The following ESYT3 variants were observed in gnomAD, a reference collection of about 807,000 sequenced individuals.
The protein encoded by ESYT3 is extended synaptotagmin-3.
A neutral mutation model predicts 111.5 loss-of-function variants in ESYT3; 101 were observed. The observed-to-expected ratio is 0.91, with a 90% confidence interval of 0.77 to 1.07. The LOEUF (loss-of-function observed/expected upper bound fraction) is 1.07, where lower values mean the gene tolerates loss of function less well. Ranked by LOEUF, ESYT3 falls within the 50% of genes least tolerant of loss-of-function variation. The pLI, the probability that ESYT3 is intolerant of heterozygous loss-of-function variation, is 0.00. For missense variants in ESYT3, 1,097 were observed against 1,109.4 expected, an observed-to-expected ratio of 0.99 and a Z score of 0.16; for synonymous variants, 416 against 446.8, an observed-to-expected ratio of 0.93 and a Z score of 0.87.
At chr3:138,442,379 G>T (rs1031280175) in intron 1 of ESYT3, among the ~76,000 whole-genome samples, 68 of 152,222 alleles carry the variant, frequency 4.5e-4, no homozygotes, top group African/African-American at 1.5e-3. Flanking sequence ...TCCTTCATAT[G>T]AATATACCAC....
chr3:138,448,486 T>C (rs2031708638), intron 1 of ESYT3, among the ~76,000 whole-genome samples: 1 of 151,706 alleles, frequency 6.6e-6, no homozygotes, highest in Non-Finnish European at 1.5e-5. Context: ...TTTTTTTTTA[T>C]GTGTTGGTTG....
At chr3:138,455,103 C>A (rs2032190855) in intron 2 of ESYT3, 91 bp from the exon 3 acceptor site, 1 of 1,492,014 alleles carries the variant, frequency 6.7e-7, no homozygotes, top group Non-Finnish European at 9.2e-7. Context: ...CAAGACCAGG[C>A]TGCAGAGAAT....
chr3:138,445,559 G>A (rs1002173313), intron 1 of ESYT3, among the ~76,000 whole-genome samples: 3 of 152,190 alleles, frequency 2.0e-5, no homozygotes, highest in Non-Finnish European at 2.9e-5. Flanking sequence ...CTCTGTTCTC[G>A]CCTTGCAGTG....
chr3:138,468,337 C>A, intron 12 of ESYT3, 143 bp downstream of exon 12: 2 of 745,642 alleles, frequency 2.7e-6, no homozygotes, highest in Non-Finnish European at 4.6e-6. Context: ...CGTCTCCACA[C>A]AGGGCAGCTC....
intron 4 of ESYT3, among the ~76,000 whole-genome samples, chr3:138,458,773 G>A (rs1259175522): frequency 6.6e-6 from 1 of 152,180 alleles, no homozygotes; most frequent in African/African-American, 2.4e-5. Context: ...CTGCTTCTGT[G>A]TCCCCATGAA....
intron 1 of ESYT3, among the ~76,000 whole-genome samples, chr3:138,444,119 G>A (rs561863320): frequency 6.6e-6 from 1 of 152,272 alleles, no homozygotes; most frequent in South Asian, 2.1e-4. Flanking sequence ...ACTTGAATTT[G>A]CTTTACCTCT....
chr3:138,452,364 A>G (rs899421288), intron 2 of ESYT3, among the ~76,000 whole-genome samples: 4 of 152,240 alleles, frequency 2.6e-5, no homozygotes, highest in Non-Finnish European at 4.4e-5. Context: ...CAGGAGCTGT[A>G]CTTTCCTAGG....
At chr3:138,468,484 C>A (rs2033046844) in intron 12 of ESYT3, among the ~76,000 whole-genome samples, 171 bp from the exon 13 acceptor site, 2 of 152,106 alleles carry the variant, frequency 1.3e-5, no homozygotes, top group Non-Finnish European at 2.9e-5. Context: ...CTGTCATGCA[C>A]CAGTTATAGT....
In ESYT3 at chr3:138,465,501, C is replaced by G; in HGVS notation, c.1169+80C>G. ...TGCTGGGCTAGATACCCTGCTCCTA[C>G]CACTTAATGACTAGCAACCCGCTGT... On this transcript the variant is annotated intron_variant, in intron 10 of 22. Coordinates refer to ENST00000389567, the MANE Select transcript of ESYT3 (RefSeq NM_031913.5). 2.6e-6 allele frequency: 3 copies of G among 1,139,766 alleles called. No individual in the cohort carries two copies. The South Asian group carries it at 4.2e-5, about 16-fold the overall frequency. 70.6% of individuals were successfully genotyped at this position (1,139,766 alleles called of 1,614,324 possible).
At chr3:138,444,554 C>G (rs1428855794) in intron 1 of ESYT3, among the ~76,000 whole-genome samples, 3 of 152,234 alleles carry the variant, frequency 2.0e-5, no homozygotes, top group South Asian at 4.2e-4. Flanking sequence ...AATTAACAGC[C>G]CCACTTATTA....
intron 1 of ESYT3, among the ~76,000 whole-genome samples, chr3:138,450,932 C>T (rs537786561): frequency 6.6e-6 from 1 of 152,206 alleles, no homozygotes; most frequent in African/African-American, 2.4e-5. Flanking sequence ...AAGCCAGCCT[C>T]ATGTTCAGGG....
At chr3:138,473,877 A>G (rs2033361125) in intron 19 of ESYT3, among the ~76,000 whole-genome samples, 1 of 152,242 alleles carries the variant, frequency 6.6e-6, no homozygotes, top group African/African-American at 2.4e-5. Flanking sequence ...CAACCACTGC[A>G]AGACTGTCTG....
intron 5 of ESYT3, 82 bp downstream of exon 5, chr3:138,459,335 T>C (rs1195996842): frequency 1.7e-6 from 2 of 1,193,120 alleles, no homozygotes; most frequent in East Asian, 5.1e-5. Flanking sequence ...CATGCCAGAG[T>C]AGGCCGCAGA....
chr3:138,471,687 A>G lies in ESYT3; in HGVS notation c.1740+661A>G, dbSNP rs76521533. 4.3e-3 allele frequency among the ~76,000 whole-genome samples: 661 copies of G among 152,270 alleles called. 6 individuals are homozygous for G. Among genetic ancestry groups the G allele is most frequent in the Middle Eastern group, 0.041 (12 of 294 alleles). On this transcript the variant is annotated intron_variant, in intron 17 of 22. Transcript: ENST00000389567. ...AACATATGTTCAGTGTTCCTTTATG[A>G]CCTGGATCGAGGTTGTTCTCTTCCA...
intron 2 of ESYT3, 37 bp downstream of exon 2, chr3:138,452,126 A>G: frequency 6.3e-7 from 1 of 1,599,480 alleles, no homozygotes; most frequent in Non-Finnish European, 8.5e-7. Flanking sequence ...GGCCGGACGC[A>G]TGCCAGCCTC....
chr3:138,451,991 G>A (rs1488827849), intron 1 of ESYT3, 57 bp from the exon 2 acceptor site: 1 of 1,596,008 alleles, frequency 6.3e-7, no homozygotes, highest in South Asian at 1.1e-5. Context: ...TGGCTTGCTT[G>A]GTTCCCAGCG....
At chr3:138,455,880 A>G (rs2032246774) in intron 3 of ESYT3, among the ~76,000 whole-genome samples, 1 of 152,178 alleles carries the variant, frequency 6.6e-6, no homozygotes, top group Non-Finnish European at 1.5e-5. Flanking sequence ...CCTGTTCTAG[A>G]CTGGGCTTCC....
intron 2 of ESYT3, among the ~76,000 whole-genome samples, 158 bp downstream of exon 2, chr3:138,452,247 G>A (rs1271434530): frequency 1.3e-5 from 2 of 152,142 alleles, no homozygotes; most frequent in African/African-American, 4.8e-5. Flanking sequence ...AGAATGGCTC[G>A]CTTTTGTTAA....
rs1169708029 is a variant in ESYT3, at chr3:138,468,674, C to T, written c.1328C>T (p.Thr443Ile). 1 of 1,614,168 alleles carries T rather than the reference C, an allele frequency of 6.2e-7. No homozygotes were observed. Among genetic ancestry groups the T allele is most frequent in the East Asian group, 2.2e-5 (1 of 44,884 alleles). The change falls in exon 13 of 23, where the codon ACT becomes ATT. Residue 443 changes from threonine (T) to isoleucine (I), a missense_variant. Coordinates refer to ENST00000389567, the MANE Select transcript of ESYT3 (RefSeq NM_031913.5). ...VLTEDHGGLS[T>I]AILVVFLESA... ...TTGCAGGACCATGGTGGCCTTTCCA[C>T]TGCCATTCTCGTGGTCTTCTTGGAG...
Sources: allele counts gnomAD v4.1 joint callset (sites outside exome capture counted in the v4.1 genomes callset), GRCh38; gene constraint gnomAD v4.1.1; transcripts MANE v1.5; gene names NCBI Gene and HGNC (gene_info 2026-07-23, HGNC 2026-07-21).